The following GLRA1 variants were observed in gnomAD, a reference collection of about 807,000 sequenced individuals.
GLRA1 encodes the protein glycine receptor alpha 1.
Under a neutral mutation model 48.3 loss-of-function variants are expected in GLRA1, and 37 were observed. The ratio of observed to expected loss-of-function variants is 0.77; its 90% CI spans 0.59 to 1.01. The LOEUF (loss-of-function observed/expected upper bound fraction) is 1.01, where lower values mean the gene tolerates loss of function less well. Ranked by LOEUF, GLRA1 falls within the 50% of genes least tolerant of loss-of-function variation. GLRA1 has a pLI of 0.00. For missense variants in GLRA1, 427 were observed against 571.0 expected, an observed-to-expected ratio of 0.75 and a Z score of 2.57; for synonymous variants, 196 against 210.7, an observed-to-expected ratio of 0.93 and a Z score of 0.60.
chr5:151,822,648 A>G lies in GLRA1; in HGVS notation c.*25T>C. 1 of 1,559,254 alleles carries G rather than the reference A, an allele frequency of 6.4e-7. No homozygotes were observed. The highest frequency in any genetic ancestry group is 8.8e-7 in the Non-Finnish European group (1 of 1,130,534). ...TGCTATTCCCACGTTCCCCTCTCCC[A>G]GCCTCCCCCAACCTTTCAGACCCTT... On this transcript the variant is annotated 3_prime_UTR_variant, in exon 9 of 9. Transcript: ENST00000274576.
Position 151,822,950 on chromosome 5 carries a change from C to CTA in GLRA1, c.1072_1073insTA (p.Gly358ValfsTer114). The CTA allele has an allele frequency of 1.2e-6, 2 of 1,606,620 alleles. No homozygotes were observed. The highest frequency in any genetic ancestry group is 1.7e-6 in the Non-Finnish European group (2 of 1,175,168). On this transcript the variant is annotated frameshift_variant, in exon 9 of 9. Transcript: ENST00000274576. LOFTEE classifies it high-confidence loss of function. Reference sequence around the variant, plus strand: ...GGCAGAGAAGTTAAAGCGGCCTTCTCCAGCTTCATCCTCCTGGAATAGATT... The same window carrying CTA: ...GGCAGAGAAGTTAAAGCGGCCTTCTCTACAGCTTCATCCTCCTGGAATAGATT...
At chr5:151,825,190 T>C (rs1484670518) in intron 8 of GLRA1, among the ~76,000 whole-genome samples, 1 of 151,818 alleles carries the variant, frequency 6.6e-6, no homozygotes, top group African/African-American at 2.4e-5. Flanking sequence ...AGGAGAGGAG[T>C]TGGGGAGAGC....
At chr5:151,902,667 T>C (rs1025375189) in intron 1 of GLRA1, among the ~76,000 whole-genome samples, 20 of 152,188 alleles carry the variant, frequency 1.3e-4, no homozygotes, top group African/African-American at 4.1e-4. Flanking sequence ...CCTATTATAT[T>C]GTCAGAGATT....
rs73281690 is a variant in GLRA1, at chr5:151,828,401, A to G, written c.1059+520T>C. ...TAACTTCTCAGAGGTGCCCTGTCAA[A>G]TATTCCTTTATTCAATCCCTCATAT... On this transcript the variant is annotated intron_variant, in intron 8 of 8. Transcript: ENST00000274576. Among the ~76,000 whole-genome samples the G allele has an allele frequency of 4.4e-3, 672 of 152,266 alleles. 4 individuals carry two copies. The highest frequency in any genetic ancestry group is 0.016 in the African/African-American group (650 of 41,544).
chr5:151,850,605 A>T, intron 7 of GLRA1: 1 of 1,475,100 alleles, frequency 6.8e-7, no homozygotes, highest in Non-Finnish European at 9.5e-7. Context: ...AACATCAACG[A>T]CTTTTCTGCT....
intron 7 of GLRA1, among the ~76,000 whole-genome samples, chr5:151,841,643 G>A (rs1331141553): frequency 1.3e-5 from 2 of 152,052 alleles, no homozygotes; most frequent in African/African-American, 2.4e-5. Flanking sequence ...GAAAGAGGAG[G>A]CATTATCATT....
intron 3 of GLRA1, among the ~76,000 whole-genome samples, chr5:151,869,712 C>T (rs1753428532): frequency 6.7e-6 from 1 of 149,412 alleles, no homozygotes. Flanking sequence ...GAGACTCCAC[C>T]TCAAAAAACA....
intron 7 of GLRA1, among the ~76,000 whole-genome samples, chr5:151,848,281 T>G (rs1001373969): frequency 1.3e-5 from 2 of 152,218 alleles, no homozygotes; most frequent in African/African-American, 4.8e-5. Flanking sequence ...TTTTGGCACA[T>G]GCTAGGCAGA....
At chr5:151,853,694 C>A (rs1752967322) in intron 6 of GLRA1, among the ~76,000 whole-genome samples, 1 of 152,050 alleles carries the variant, frequency 6.6e-6, no homozygotes, top group Non-Finnish European at 1.5e-5. Context: ...TCTTTTGATG[C>A]ACTTTTAATA....
intron 1 of GLRA1, among the ~76,000 whole-genome samples, chr5:151,923,683 T>C (rs946077913): frequency 2.0e-5 from 3 of 152,314 alleles, no homozygotes; most frequent in Non-Finnish European, 4.4e-5. Context: ...AATTTTAACC[T>C]GAGAGACAGT....
intron 3 of GLRA1, among the ~76,000 whole-genome samples, chr5:151,879,921 C>T (rs574598343): frequency 8.5e-5 from 13 of 152,196 alleles, no homozygotes; most frequent in African/African-American, 2.9e-4. Context: ...ATAATTGAAT[C>T]GTTGGGGGCA....
intron 3 of GLRA1, among the ~76,000 whole-genome samples, chr5:151,870,369 C>T (rs767227096): frequency 1.3e-5 from 2 of 149,514 alleles, no homozygotes; most frequent in Non-Finnish European, 2.9e-5. Context: ...TGAGACATGC[C>T]ACTAACAAAC....
intron 1 of GLRA1, among the ~76,000 whole-genome samples, chr5:151,918,604 C>G (rs1754794642): frequency 6.6e-6 from 1 of 152,074 alleles, no homozygotes; most frequent in African/African-American, 2.4e-5. Context: ...GAAGAGCTTA[C>G]AAAGATTGGA....
At chr5:151,834,625 CAG>C (rs1487189274) in intron 7 of GLRA1, among the ~76,000 whole-genome samples, 9 of 152,188 alleles carry the variant, frequency 5.9e-5, no homozygotes, top group African/African-American at 2.2e-4. Flanking sequence ...TAACTAAAAT[CAG>C]AGCAGAACTG....
rs1425021919 is a variant in GLRA1 at position 151,924,728 on chromosome 5, C to T, written c.-179G>A. The T allele has an allele frequency of 3.1e-5, 21 of 671,002 alleles. No homozygotes were observed. The East Asian group carries it at 3.5e-4, about 11-fold the overall frequency. The allele number at this position is 671,002 out of a possible 1,614,324, so 41.6% of individuals were successfully genotyped here. On this transcript the variant is annotated 5_prime_UTR_variant, in exon 1 of 9. Coordinates refer to ENST00000274576, the MANE Select transcript of GLRA1 (RefSeq NM_000171.4). ...ATTGGAGCGAGGGGGTCGTAGATAC[C>T]ACGGACAGCGGCGGCTGCGAGGCGT...
intron 7 of GLRA1, among the ~76,000 whole-genome samples, chr5:151,833,814 AAGC>A (rs1206379764): frequency 1.3e-5 from 2 of 151,024 alleles, no homozygotes; most frequent in African/African-American, 2.4e-5. Flanking sequence ...AAAAAAAAAA[AAGC>A]AGGGGTTGCA....
rs561909900 is a variant in GLRA1 at position 151,917,643 on chromosome 5, A to G, written c.56+6851T>C. Among the ~76,000 whole-genome samples the G allele has an allele frequency of 4.6e-5, 7 of 152,362 alleles. No individual in the cohort carries two copies. The East Asian group carries it at 1.2e-3, about 25-fold the overall frequency. On this transcript the variant is annotated intron_variant, in intron 1 of 8. Transcript: ENST00000274576. ...TATTTGCAGTAAGAATACTTAATAT[A>G]AGATCTGTCCTCTTAACAAATGTTT...
At chr5:151,858,361 G>C (rs991652883) in intron 4 of GLRA1, among the ~76,000 whole-genome samples, 1 of 152,172 alleles carries the variant, frequency 6.6e-6, no homozygotes, top group Admixed American at 6.5e-5. Context: ...TGTCACACTG[G>C]GTTAATTTCC....
Position 151,855,118 on chromosome 5 carries a change from C to A in GLRA1, c.619G>T (p.Ala207Ser), listed in dbSNP as rs1250830724. ...EWQEQGAVQV[A>S]DGLTLPQFIL... ...AACTGGGGCAGAGTTAGTCCATCTG[C>A]TACCTGCACGGCTCCCTGTTCCTGC... Residue 207 changes from alanine to serine, a missense_variant, in exon 6 of 9, where the codon GCA becomes TCA. Physicochemically the swap from Ala to Ser is moderately conservative, Grantham distance 99 (BLOSUM62 1). Coordinates refer to ENST00000274576, the MANE Select transcript of GLRA1 (RefSeq NM_000171.4). The A allele has an allele frequency of 6.2e-7, 1 of 1,613,716 alleles. No individual in the cohort carries two copies. Among genetic ancestry groups the A allele is most frequent in the Non-Finnish European group, 8.5e-7 (1 of 1,179,734 alleles).
Sources: allele counts gnomAD v4.1 joint callset (sites outside exome capture counted in the v4.1 genomes callset), GRCh38; gene constraint gnomAD v4.1.1; transcripts MANE v1.5; gene names NCBI Gene and HGNC (gene_info 2026-07-23, HGNC 2026-07-21).